PTK2B: variants seen among roughly 807,000 people sequenced by gnomAD.
The protein encoded by PTK2B is protein-tyrosine kinase 2-beta.
In PTK2B, 71 loss-of-function variants were observed where a neutral mutation model predicts 142.9. The observed-to-expected ratio is 0.50, with a 90% CI of 0.41 to 0.61. The LOEUF is 0.61. Ranked by LOEUF, PTK2B falls within the 20% of genes least tolerant of loss-of-function variation. The pLI is 0.00. For missense variants in PTK2B, 1,105 were observed against 1,320.4 expected, an observed-to-expected ratio of 0.84 and a Z score of 2.53; for synonymous variants, 519 against 503.4, an observed-to-expected ratio of 1.03 and a Z score of -0.42.
chr8:27,430,311 CT>C, intron 6 of PTK2B, 52 bp from the exon 7 acceptor site: 1 of 1,610,924 alleles, frequency 6.2e-7, no homozygotes, highest in Non-Finnish European at 8.5e-7. Context: ...GCCCGCAGTC[CT>C]GTGGTGGGGG....
chr8:27,416,069 C>A (rs1809383558), intron 2 of PTK2B, among the ~76,000 whole-genome samples: 1 of 152,104 alleles, frequency 6.6e-6, no homozygotes, highest in South Asian at 2.1e-4. Flanking sequence ...ATGACCCAAA[C>A]TCTATAAAAA....
At chr8:27,402,999 G>A (rs1420557132) in intron 2 of PTK2B, among the ~76,000 whole-genome samples, 1 of 152,252 alleles carries the variant, frequency 6.6e-6, no homozygotes, top group African/African-American at 2.4e-5. Flanking sequence ...TGTAGTGCCT[G>A]TGTGGGGATG....
At chr8:27,331,317 G>C (rs566224842) in intron 1 of PTK2B, among the ~76,000 whole-genome samples, 2 of 152,298 alleles carry the variant, frequency 1.3e-5, no homozygotes, top group East Asian at 3.9e-4. Context: ...TCATATGGGG[G>C]TGATTGATGG....
intron 30 of PTK2B, among the ~76,000 whole-genome samples, chr8:27,457,956 C>G: frequency 9.0e-6 from 1 of 110,986 alleles, no homozygotes; most frequent in South Asian, 3.0e-4. Context: ...TCCTGGGCAA[C>G]AGGAACAAAA....
upstream of PTK2B, chr8:27,311,306 C>T (rs1375890380): frequency 2.1e-6 from 3 of 1,435,748 alleles, no homozygotes; most frequent in East Asian, 2.6e-5. Context: ...CTGCCAACGC[C>T]CGCGACCCGA....
intron 9 of PTK2B, 43 bp from the exon 10 acceptor site, chr8:27,432,217 C>T (rs1353747977): frequency 6.3e-7 from 1 of 1,585,864 alleles, no homozygotes; most frequent in African/African-American, 1.3e-5. Context: ...TGGCCTAGTC[C>T]TGGTAGTGGG....
chr8:27,359,073 T>C (rs1406943342), intron 1 of PTK2B, among the ~76,000 whole-genome samples: 3 of 152,194 alleles, frequency 2.0e-5, no homozygotes, highest in African/African-American at 7.2e-5. Flanking sequence ...ATTATTATCT[T>C]GGACTTTGCA....
At chr8:27,440,507 C>T (rs1410586244) in intron 21 of PTK2B, 66 bp downstream of exon 21, 1 of 1,542,680 alleles carries the variant, frequency 6.5e-7, no homozygotes, top group Non-Finnish European at 8.9e-7. Flanking sequence ...AAGACCAGCA[C>T]ACAGAGAGGT....
At chr8:27,392,209 C>A (rs1403108221) in intron 1 of PTK2B, among the ~76,000 whole-genome samples, 1 of 152,106 alleles carries the variant, frequency 6.6e-6, no homozygotes, top group African/African-American at 2.4e-5. Flanking sequence ...GTTCTCATCT[C>A]TTCCCAACTC....
At chr8:27,456,975 G>A (rs1378220250) in intron 30 of PTK2B, among the ~76,000 whole-genome samples, 5 of 152,214 alleles carry the variant, frequency 3.3e-5, no homozygotes, top group Non-Finnish European at 7.3e-5. Flanking sequence ...TGAGGCTCAA[G>A]GAAAGAAATC....
At chr8:27,442,266 A>G (rs888660644) in intron 21 of PTK2B, among the ~76,000 whole-genome samples, 1 of 152,220 alleles carries the variant, frequency 6.6e-6, no homozygotes, top group Non-Finnish European at 1.5e-5. Flanking sequence ...CATATTCAGT[A>G]GTATATAATA....
chr8:27,440,414 G>A lies in PTK2B; in HGVS notation c.2012G>A (p.Arg671His), dbSNP rs746299619. 76 of 1,613,822 alleles carry A rather than the reference G, an allele frequency of 4.7e-5. 2 individuals carry two copies. The highest frequency in any genetic ancestry group is 2.5e-4 in the South Asian group (23 of 91,070). The change falls in exon 21 of 31, where the codon CGC becomes CAC. Residue 671 changes from arginine to histidine, a missense_variant. Transcript: ENST00000346049. ...GACTACGACCCCAGTGACCGGCCCCGCTTCACCGAGCTGGTGTGCAGCCTC... is the reference window on the plus strand; with the variant it reads ...GACTACGACCCCAGTGACCGGCCCCACTTCACCGAGCTGGTGTGCAGCCTC... ...CWDYDPSDRP[R>H]FTELVCSLSD...
chr8:27,417,362 C>T (rs765234255), intron 2 of PTK2B, among the ~76,000 whole-genome samples: 45 of 151,946 alleles, frequency 3.0e-4, no homozygotes, highest in Non-Finnish European at 5.9e-4. Context: ...TCCATTTATA[C>T]GAAGTTCTAG....
intron 1 of PTK2B, among the ~76,000 whole-genome samples, chr8:27,367,412 G>A (rs905920607): frequency 6.6e-6 from 1 of 152,160 alleles, no homozygotes; most frequent in African/African-American, 2.4e-5. Context: ...CCAGGTGCGG[G>A]GTGTCTGGGC....
intron 1 of PTK2B, among the ~76,000 whole-genome samples, chr8:27,372,507 G>C (rs887321447): frequency 6.6e-6 from 1 of 152,176 alleles, no homozygotes; most frequent in Non-Finnish European, 1.5e-5. Context: ...CTGATTGTAT[G>C]AGGCCCATTC....
intron 15 of PTK2B, 63 bp downstream of exon 15, chr8:27,436,411 G>A (rs577626318): frequency 4.6e-5 from 69 of 1,503,960 alleles, no homozygotes; most frequent in African/African-American, 3.4e-4. Flanking sequence ...GACAGAGCTC[G>A]AATCTGAGCA....
At chr8:27,407,645 C>T (rs1808803738) in intron 2 of PTK2B, among the ~76,000 whole-genome samples, 1 of 152,148 alleles carries the variant, frequency 6.6e-6, no homozygotes, top group Non-Finnish European at 1.5e-5. Context: ...AGGTGGGTCT[C>T]CCCAGGTGCC....
At chr8:27,419,795 A>C (rs1161454788) in intron 2 of PTK2B, 100 bp from the exon 3 acceptor site, 1 of 1,294,834 alleles carries the variant, frequency 7.7e-7, no homozygotes, top group African/African-American at 1.5e-5. Flanking sequence ...ATGAAGACAG[A>C]ATCCCACCCT....
At chr8:27,435,217 T>G (rs1445235069) in intron 13 of PTK2B, among the ~76,000 whole-genome samples, 1 of 152,176 alleles carries the variant, frequency 6.6e-6, no homozygotes, top group Non-Finnish European at 1.5e-5. Flanking sequence ...ATAGCTATCC[T>G]TTCACTGTGG....
Sources: gnomAD v4.1 joint callset for allele counts (sites outside exome capture counted in the v4.1 genomes callset) on GRCh38, gnomAD v4.1.1 for gene constraint, MANE v1.5 for transcripts, NCBI Gene and HGNC (gene_info 2026-07-23, HGNC 2026-07-21) for gene names.